The following TRIM40 variants were observed in gnomAD, a reference collection of about 807,000 sequenced individuals.
TRIM40 encodes tripartite motif containing 40, also known as E3 ubiquitin ligase TRIM40.
In TRIM40, 27 loss-of-function variants were observed where a neutral mutation model predicts 26.1. That is an observed-to-expected ratio of 1.04 (90% CI 0.76 to 1.43). The LOEUF (loss-of-function observed/expected upper bound fraction) is 1.43, where lower values mean the gene tolerates loss of function less well. Ranked by LOEUF, TRIM40 falls within the 40% of genes most tolerant of loss-of-function variation. TRIM40 has a pLI of 0.00. For missense variants in TRIM40, 289 were observed against 307.9 expected (o/e 0.94, Z 0.46); for synonymous variants, 114 against 120.0 (o/e 0.95, Z 0.33).
chr6:30,148,190 A>G lies in TRIM40; in HGVS notation c.*378A>G. 3.6e-6 allele frequency: 1 copy of G among 274,226 alleles called. No individual in the cohort carries two copies. The highest frequency in any genetic ancestry group is 6.9e-6 in the Non-Finnish European group (1 of 144,204). 17.0% of individuals were successfully genotyped at this position (274,226 alleles called of 1,614,324 possible). ...GCCCGAGCTCATCAGCAGTGACACCACCTCACATGTGGAGCCCAGCTGAGT... is the reference window on the plus strand; with the variant it reads ...GCCCGAGCTCATCAGCAGTGACACCGCCTCACATGTGGAGCCCAGCTGAGT... On this transcript the variant is annotated 3_prime_UTR_variant, in exon 6 of 6. Coordinates refer to ENST00000396581, the MANE Select transcript of TRIM40 (RefSeq NM_001286633.2).
intron 2 of TRIM40, among the ~76,000 whole-genome samples, chr6:30,145,666 A>C (rs1163355982): frequency 2.0e-5 from 3 of 152,222 alleles, no homozygotes; most frequent in African/African-American, 7.2e-5. Flanking sequence ...AATAGTAAGA[A>C]GTGCTAGAAG....
chr6:30,136,821 A>G lies in TRIM40; in HGVS notation c.-216A>G, dbSNP rs1438329369. ...GATGAGCTATTTCTGAAACTCGTGCAGAATTGTGGTTTGTGTGGTCTATGT... is the reference window on the plus strand; with the variant it reads ...GATGAGCTATTTCTGAAACTCGTGCGGAATTGTGGTTTGTGTGGTCTATGT... On this transcript the variant is annotated 5_prime_UTR_variant, in exon 2 of 6. Transcript: ENST00000396581. The G allele has an allele frequency of 1.8e-6, 1 of 564,698 alleles. No individual in the cohort carries two copies. The highest frequency in any genetic ancestry group is 1.9e-5 in the African/African-American group (1 of 53,612). 35.0% of individuals were successfully genotyped at this position (564,698 alleles called of 1,614,324 possible).
At chr6:30,145,953 C>T (rs78669166) in intron 2 of TRIM40, 41 bp from the exon 3 acceptor site, 13 of 1,563,960 alleles carry the variant, frequency 8.3e-6, no homozygotes, top group Non-Finnish European at 1.1e-5. Flanking sequence ...GGGTGCCCCC[C>T]TCACTCCCAG....
chr6:30,140,933 CAGAGTCTTATTCCTAGAACCTAGAACAA>C (rs1771308431), intron 2 of TRIM40, among the ~76,000 whole-genome samples: 1 of 152,056 alleles, frequency 6.6e-6, no homozygotes, highest in South Asian at 2.1e-4. Context: ...TTTAGATCTC[CAGAGTCTTATTCCTAGAACCTAGAACAA>C]AGATCCATCC....
Position 30,137,345 on chromosome 6 carries a change from T to G in TRIM40, c.309T>G (p.His103Gln). 3 of 1,612,992 alleles carry G rather than the reference T, an allele frequency of 1.9e-6. No individual in the cohort carries two copies. Among genetic ancestry groups the G allele is most frequent in the Middle Eastern group, 1.7e-4 (1 of 6,046 alleles). ...TGTCCCCTGAACACATGTCTCATCATGAACTGACCATTGAAAATGCCCTCA... is the reference window on the plus strand; with the variant it reads ...TGTCCCCTGAACACATGTCTCATCAGGAACTGACCATTGAAAATGCCCTCA... ...CLVSPEHMSHHELTIENALSH... is the reference protein window; with the variant it reads ...CLVSPEHMSHQELTIENALSH... The change falls in exon 2 of 6, where the codon CAT becomes CAG. Residue 103 changes from histidine (H) to glutamine (Q), a missense_variant. Coordinates refer to ENST00000396581, the MANE Select transcript of TRIM40 (RefSeq NM_001286633.2).
In TRIM40 at chr6:30,146,058, C is replaced by T; in HGVS notation, c.410C>T (p.Ala137Val). 6.2e-7 allele frequency: 1 copy of T among 1,613,012 alleles called. No individual in the cohort carries two copies. The highest frequency in any genetic ancestry group is 8.5e-7 in the Non-Finnish European group (1 of 1,180,016). Residue 137 changes from alanine (A) to valine (V), a missense_variant, in exon 3 of 6, where the codon GCT becomes GTT. Transcript: ENST00000396581. ...ATTGCAGAACTTCAGCGGCTCAAGG[C>T]TCAGCAGGAGAAGAAACTGCAGGCT... is the stretch of plus-strand genomic sequence containing the variant. ...KDIAELQRLK[A>V]QQEKKLQALQ...
chr6:30,137,056 A>G lies in TRIM40; in HGVS notation c.20A>G (p.Asp7Gly). 1 of 1,612,916 alleles carries G rather than the reference A, an allele frequency of 6.2e-7. No homozygotes were observed. The highest frequency in any genetic ancestry group is 8.5e-7 in the Non-Finnish European group (1 of 1,179,962). MIPLQK[D>G]NQEEGVCPIC... ...GAGGCCATGATCCCTTTGCAGAAGG[A>G]CAACCAGGAGGAGGGTGTCTGCCCC... Residue 7 changes from aspartate (D) to glycine (G), a missense_variant, in exon 2 of 6, where the codon GAC becomes GGC. Coordinates refer to ENST00000396581, the MANE Select transcript of TRIM40 (RefSeq NM_001286633.2).
chr6:30,136,390 G>A (rs944105601), intron 1 of TRIM40: 1 of 152,888 alleles, frequency 6.5e-6, no homozygotes, highest in African/African-American at 2.4e-5. Flanking sequence ...TCTGTGTCCT[G>A]TTTTCTTTCT....
intron 2 of TRIM40, among the ~76,000 whole-genome samples, chr6:30,145,384 CT>C (rs1771584794): frequency 6.6e-6 from 1 of 152,186 alleles, no homozygotes; most frequent in South Asian, 2.1e-4. Context: ...ATTTTTGCTT[CT>C]CTTATAGGTC....
At chr6:30,140,084 C>T (rs138223467) in intron 2 of TRIM40, among the ~76,000 whole-genome samples, 6 of 152,204 alleles carry the variant, frequency 3.9e-5, no homozygotes, top group East Asian at 1.9e-4. Context: ...ATTCTGGAGA[C>T]GAAGTGGAGA....
intron 2 of TRIM40, among the ~76,000 whole-genome samples, chr6:30,137,787 A>G (rs1023622229): frequency 6.6e-6 from 1 of 152,158 alleles, no homozygotes; most frequent in Non-Finnish European, 1.5e-5. Flanking sequence ...AAAACCTGAA[A>G]GTTACTACAT....
intron 2 of TRIM40, among the ~76,000 whole-genome samples, chr6:30,144,484 C>A (rs576521296): frequency 2.0e-4 from 31 of 152,242 alleles, no homozygotes; most frequent in African/African-American, 7.2e-4. Context: ...GATCTGAAGG[C>A]TCCAGAAAGG....
intron 2 of TRIM40, among the ~76,000 whole-genome samples, chr6:30,144,099 G>A (rs148262333): frequency 0.023 from 3,384 of 145,330 alleles, 58 homozygotes; most frequent in Middle Eastern, 0.068. Flanking sequence ...GTGTGCTGGT[G>A]AAGAGAGTTC....
rs776123955 is a variant in TRIM40, at chr6:30,147,555, CCTT to C, written c.689+20_689+22del. 1 of 1,614,142 alleles carries C rather than the reference CCTT, an allele frequency of 6.2e-7. No homozygotes were observed. Among genetic ancestry groups the C allele is most frequent in the East Asian group, 2.2e-5 (1 of 44,880 alleles). ...ACTTACTGAACAGGTACGAGCTGTC[CCTT>C]CTTCTTTCCCACATGTGCATATAAA... On this transcript the variant is annotated intron_variant, in intron 5 of 5. Transcript: ENST00000396581.
chr6:30,139,332 T>TTTTTTTTC (rs370850020), intron 2 of TRIM40, among the ~76,000 whole-genome samples: 3 of 130,170 alleles, frequency 2.3e-5, no homozygotes, highest in Non-Finnish European at 1.7e-5. Flanking sequence ...AACTGTAACT[T>TTTTTTTTC]TTTTTTCTTT....
Position 30,147,218 on chromosome 6 carries a change from C to T in TRIM40, c.666+9C>T, listed in dbSNP as rs1432055620. 3.1e-6 allele frequency: 5 copies of T among 1,613,918 alleles called. No individual in the cohort carries two copies. Among genetic ancestry groups the T allele is most frequent in the Non-Finnish European group, 3.4e-6 (4 of 1,179,838 alleles). ...ACACCAACACACTGAAGGTGCATAC[C>T]CTGAGGCCTTCCCCAAGGGCTGGGA... On this transcript the variant is annotated intron_variant, in intron 4 of 5. Coordinates refer to ENST00000396581, the MANE Select transcript of TRIM40 (RefSeq NM_001286633.2).
intron 2 of TRIM40, among the ~76,000 whole-genome samples, chr6:30,138,599 G>A (rs1425615614): frequency 6.6e-6 from 1 of 151,986 alleles, no homozygotes. Flanking sequence ...TTTAATGTCA[G>A]GTATTTTGAT....
At chr6:30,147,469 G>T in intron 4 of TRIM40, 51 bp from the exon 5 acceptor site, 2 of 1,613,444 alleles carry the variant, frequency 1.2e-6, no homozygotes, top group East Asian at 4.5e-5. Flanking sequence ...GAATTTGGAG[G>T]TGATAGGAAC....
Position 30,147,109 on chromosome 6 carries a change from C to A in TRIM40, c.566C>A (p.Ala189Glu). The A allele has an allele frequency of 1.2e-6, 2 of 1,614,182 alleles. No individual in the cohort carries two copies. The highest frequency in any genetic ancestry group is 1.7e-6 in the Non-Finnish European group (2 of 1,180,024). Residue 189 changes from alanine to glutamate, a missense_variant, in exon 4 of 6, where the codon GCG (alanine) becomes GAG (glutamate). By Grantham distance (107) the Ala-to-Glu change is moderately radical. Transcript: ENST00000396581. ...LGQLEHMPAE[A>E]ARILDISRAV... The stretch of plus-strand genomic sequence containing the variant: ...CAGCTGGAGCACATGCCAGCAGAAG[C>A]GGCCAGAATCCTTGACATCTCCAGG...
Sources: gnomAD v4.1 joint callset for allele counts (sites outside exome capture counted in the v4.1 genomes callset) on GRCh38, gnomAD v4.1.1 for gene constraint, MANE v1.5 for transcripts, NCBI Gene and HGNC (gene_info 2026-07-23, HGNC 2026-07-21) for gene names.